The following CEP63 variants were observed in gnomAD, a reference collection of about 807,000 sequenced individuals.
CEP63 encodes the protein centrosomal protein 63.
A neutral mutation model predicts 89.1 loss-of-function variants in CEP63; 84 were observed. The ratio of observed to expected loss-of-function variants is 0.94; its 90% CI spans 0.79 to 1.13. CEP63 has a LOEUF of 1.13. Ranked by LOEUF, CEP63 falls within the 50% of genes most tolerant of loss-of-function variation. The pLI is 0.00. For synonymous variants in CEP63, 267 were observed against 272.5 expected (o/e 0.98, Z 0.20); for missense variants, 838 against 813.3 (o/e 1.03, Z -0.37).
chr3:134,713,476 G>C, the CEP63 span, among the ~76,000 whole-genome samples: 3 of 152,234 alleles, frequency 2.0e-5, no homozygotes, highest in African/African-American at 7.2e-5. Flanking sequence ...GTGACCCCGA[G>C]GGGAGCTGGT....
intron 14 of CEP63, 93 bp downstream of exon 14, chr3:134,559,522 T>G: frequency 9.5e-7 from 1 of 1,053,188 alleles, no homozygotes; most frequent in East Asian, 2.5e-5. Context: ...TTTTTTTTCC[T>G]TACTGATTCT....
the CEP63 span, among the ~76,000 whole-genome samples, chr3:134,748,117 G>A: frequency 1.3e-5 from 2 of 152,262 alleles, no homozygotes; most frequent in African/African-American, 4.8e-5. Flanking sequence ...TAGTTCAGTG[G>A]GGGTAGGGTG....
At chr3:134,552,081 C>T in intron 12 of CEP63, 69 bp downstream of exon 12, 1 of 828,550 alleles carries the variant, frequency 1.2e-6, no homozygotes, top group South Asian at 1.5e-5. Flanking sequence ...TAAATATTTA[C>T]ATTATAAAGA....
downstream of CEP63, among the ~76,000 whole-genome samples, chr3:134,588,097 A>G (rs1958522684): frequency 6.6e-6 from 1 of 152,158 alleles, no homozygotes. Context: ...GTTCGAGACC[A>G]GCCTGACCAA....
the CEP63 span, among the ~76,000 whole-genome samples, chr3:134,726,056 A>G: frequency 2.0e-5 from 3 of 152,210 alleles, no homozygotes; most frequent in Non-Finnish European, 4.4e-5. Flanking sequence ...AAGGGCCATA[A>G]CAGATTCAAA....
downstream of CEP63, among the ~76,000 whole-genome samples, chr3:134,567,719 A>C (rs551372129): frequency 1.1e-4 from 17 of 152,324 alleles, no homozygotes; most frequent in Admixed American, 5.2e-4. Flanking sequence ...TGCACACCGC[A>C]GGGGTTCCTG....
In CEP63 at chr3:134,545,559, C is replaced by T. The variant is rs758136641; in HGVS notation, c.556-27C>T. On this transcript the variant is annotated intron_variant, in intron 6 of 14. Coordinates refer to ENST00000675561, the MANE Select transcript of CEP63 (RefSeq NM_001353108.3). ...GATTATTTTATCATTTCCCTTTTACCTATTGATTGATAGTCTGTGTTTCTA... is the reference window on the plus strand; with the variant it reads ...GATTATTTTATCATTTCCCTTTTACTTATTGATTGATAGTCTGTGTTTCTA... 4 of 1,449,738 alleles carry T rather than the reference C, an allele frequency of 2.8e-6. No individual in the cohort carries two copies. In the East Asian group the frequency reaches 9.1e-5, roughly 33 times the overall value. The allele number at this position is 1,449,738 out of a possible 1,614,324, so 89.8% of individuals were successfully genotyped here. A position where few individuals can be genotyped will look rare whatever the true frequency, so the allele number is the denominator to read the frequency against.
intron 3 of CEP63, among the ~76,000 whole-genome samples, chr3:134,516,739 T>G (rs1946335001): frequency 6.6e-6 from 1 of 152,192 alleles, no homozygotes; most frequent in Non-Finnish European, 1.5e-5. Flanking sequence ...AGCACATGTT[T>G]CAGGGAGCAC....
the CEP63 span, among the ~76,000 whole-genome samples, chr3:134,631,020 G>A: frequency 3.3e-5 from 5 of 152,214 alleles, no homozygotes; most frequent in African/African-American, 1.2e-4. Context: ...CAGAGAACTT[G>A]AAGATAGATC....
intron 3 of CEP63, among the ~76,000 whole-genome samples, chr3:134,531,332 C>T (rs940707616): frequency 6.6e-6 from 1 of 152,148 alleles, no homozygotes; most frequent in Non-Finnish European, 1.5e-5. Flanking sequence ...CGCCTGTAAT[C>T]CCAGCACCTT....
the CEP63 span, among the ~76,000 whole-genome samples, chr3:134,760,307 C>A: frequency 6.6e-6 from 1 of 152,156 alleles, no homozygotes; most frequent in Non-Finnish European, 1.5e-5. Context: ...GATCCGCCCG[C>A]CTCGGCCTCC....
chr3:134,764,130 GTTTCATA>G, the CEP63 span, among the ~76,000 whole-genome samples: 1 of 152,320 alleles, frequency 6.6e-6, no homozygotes, highest in East Asian at 1.9e-4. Flanking sequence ...AACAAGTTTA[GTTTCATA>G]TTTCCAGTTT....
At chr3:134,767,761 AC>A in the CEP63 span, among the ~76,000 whole-genome samples, 2 of 152,152 alleles carry the variant, frequency 1.3e-5, no homozygotes, top group African/African-American at 4.8e-5. Flanking sequence ...TTGAAAGCAA[AC>A]ATTTTTGAGT....
chr3:134,586,680 C>A (rs1279255772), intron 10 of CEP63, among the ~76,000 whole-genome samples: 5 of 152,042 alleles, frequency 3.3e-5, no homozygotes, highest in South Asian at 4.2e-4. Context: ...TGGGGTTGCT[C>A]TTCTCGAGGA....
At chr3:134,582,993 G>C (rs1208390533) in intron 10 of CEP63, among the ~76,000 whole-genome samples, 1 of 152,154 alleles carries the variant, frequency 6.6e-6, no homozygotes, top group Non-Finnish European at 1.5e-5. Flanking sequence ...AGAAGTGTCT[G>C]TTCATATCCT....
chr3:134,671,300 A>G, the CEP63 span, among the ~76,000 whole-genome samples: 1 of 152,194 alleles, frequency 6.6e-6, no homozygotes, highest in Non-Finnish European at 1.5e-5. Context: ...ACATGGACAT[A>G]AAGAGGGGAA....
chr3:134,769,113 A>AT, the CEP63 span, among the ~76,000 whole-genome samples: 12,109 of 151,998 alleles, frequency 0.08, 729 homozygotes, highest in South Asian at 0.29. Flanking sequence ...AAGAAGTGTG[A>AT]TTTTTTTTGT....
At chr3:134,730,795 A>G in the CEP63 span, among the ~76,000 whole-genome samples, 1 of 152,130 alleles carries the variant, frequency 6.6e-6, no homozygotes, top group Non-Finnish European at 1.5e-5. Context: ...ACAACATAAA[A>G]TTACCAAGTT....
intron 12 of CEP63, among the ~76,000 whole-genome samples, chr3:134,554,154 A>G (rs1350978196): frequency 2.0e-5 from 3 of 152,024 alleles, no homozygotes; most frequent in Admixed American, 2.0e-4. Flanking sequence ...ACCTATGTAT[A>G]CATGTGCCAT....
Sources: gnomAD v4.1 joint callset for allele counts (sites outside exome capture counted in the v4.1 genomes callset) on GRCh38, gnomAD v4.1.1 for gene constraint, MANE v1.5 for transcripts, NCBI Gene and HGNC (gene_info 2026-07-23, HGNC 2026-07-21) for gene names.